The following GUCY1A2 variants were observed in gnomAD, a reference collection of about 807,000 sequenced individuals.
The protein encoded by GUCY1A2 is guanylate cyclase 1 soluble subunit alpha 2.
A neutral mutation model predicts 63.5 loss-of-function variants in GUCY1A2; 27 were observed. That is an observed-to-expected ratio of 0.43 (90% confidence interval 0.31 to 0.59). The LOEUF is 0.59. GUCY1A2 is among the 20% of genes least tolerant of loss of function. The pLI is 0.11. For synonymous variants in GUCY1A2, 364 were observed against 343.5 expected, an observed-to-expected ratio of 1.06 and a Z score of -0.66; for missense variants, 768 against 913.3, an observed-to-expected ratio of 0.84 and a Z score of 2.05.
rs773251118 is a variant in GUCY1A2, at chr11:106,725,152, CTTTTTTTTTTTTTTTTTTTTT to C, written c.1837-16507_1837-16487del. ...ATGTATCTTCTTATTGACATAAATT[CTTTTTTTTTTTTTTTTTTTTT>C]TTTTTTTTTTTTTTTTTGAGACGGA... On this transcript the variant is annotated intron_variant, in intron 6 of 7. Transcript: ENST00000526355. Among the ~76,000 whole-genome samples, 30 of 22,988 alleles carry C rather than the reference CTTTTTTTTTTTTTTTTTTTTT, an allele frequency of 1.3e-3. 4 individuals carry two copies. The highest frequency in any genetic ancestry group is 4.2e-3 in the African/African-American group (24 of 5,700). 15.1% of individuals were successfully genotyped at this position (22,988 alleles called of 152,430 possible). A position where few individuals can be genotyped will look rare whatever the true frequency, so the allele number is the denominator to read the frequency against.
intron 6 of GUCY1A2, among the ~76,000 whole-genome samples, chr11:106,726,702 G>A (rs1276438981): frequency 6.6e-6 from 1 of 152,176 alleles, no homozygotes. Context: ...GGATATTAAA[G>A]ACAAGAGATA....
At chr11:106,898,949 A>G (rs1860088985) in intron 4 of GUCY1A2, among the ~76,000 whole-genome samples, 2 of 152,192 alleles carry the variant, frequency 1.3e-5, no homozygotes, top group Non-Finnish European at 2.9e-5. Context: ...CCTGTTGAAG[A>G]GACAGAAGGT....
intron 6 of GUCY1A2, among the ~76,000 whole-genome samples, chr11:106,747,118 G>T (rs1023844590): frequency 6.6e-6 from 1 of 152,046 alleles, no homozygotes; most frequent in Non-Finnish European, 1.5e-5. Context: ...CTCCCAAATA[G>T]CTCGGACTAC....
At chr11:106,813,736 C>A (rs1858794764) in intron 4 of GUCY1A2, among the ~76,000 whole-genome samples, 1 of 152,050 alleles carries the variant, frequency 6.6e-6, no homozygotes, top group Non-Finnish European at 1.5e-5. Flanking sequence ...GTTCCCTATC[C>A]TTTCAAAGCC....
chr11:106,980,026 A>G (rs1469638215), intron 2 of GUCY1A2, among the ~76,000 whole-genome samples: 2 of 152,206 alleles, frequency 1.3e-5, no homozygotes, highest in African/African-American at 4.8e-5. Context: ...GGGATTACCC[A>G]TCTCATTCCC....
intron 1 of GUCY1A2, among the ~76,000 whole-genome samples, chr11:106,990,025 G>A (rs770202132): frequency 2.0e-5 from 3 of 152,144 alleles, no homozygotes; most frequent in Non-Finnish European, 2.9e-5. Context: ...AAAGAGACGA[G>A]GGTGGGAAAG....
At chr11:106,962,564 A>AAC (rs1555055073) in intron 3 of GUCY1A2, among the ~76,000 whole-genome samples, 5 of 151,584 alleles carry the variant, frequency 3.3e-5, no homozygotes, top group Admixed American at 2.6e-4. Flanking sequence ...CAAAAAAAAA[A>AAC]AAAAACTAGA....
chr11:106,892,396 C>G (rs1314651565), intron 4 of GUCY1A2, among the ~76,000 whole-genome samples: 2 of 151,994 alleles, frequency 1.3e-5, no homozygotes, highest in Non-Finnish European at 2.9e-5. Flanking sequence ...TATAATTGAA[C>G]TTTTGTAATA....
At chr11:106,913,928 AG>A (rs1341309154) in intron 4 of GUCY1A2, among the ~76,000 whole-genome samples, 1 of 150,884 alleles carries the variant, frequency 6.6e-6, no homozygotes, top group Non-Finnish European at 1.5e-5. Flanking sequence ...ACCTGGCTAA[AG>A]ACTGAAAGAG....
chr11:107,013,075 CTT>C (rs1861770689), intron 1 of GUCY1A2, among the ~76,000 whole-genome samples: 2 of 152,070 alleles, frequency 1.3e-5, no homozygotes, highest in African/African-American at 2.4e-5. Flanking sequence ...ATAATTTATG[CTT>C]TTTTGTCACT....
At chr11:106,725,077 A>C (rs1194630963) in intron 6 of GUCY1A2, among the ~76,000 whole-genome samples, 4 of 151,744 alleles carry the variant, frequency 2.6e-5, no homozygotes, top group African/African-American at 9.7e-5. Flanking sequence ...GAATTATTTA[A>C]GAAATCCTTT....
intron 4 of GUCY1A2, among the ~76,000 whole-genome samples, chr11:106,896,621 T>C (rs150342423): frequency 6.6e-6 from 1 of 152,136 alleles, no homozygotes; most frequent in Non-Finnish European, 1.5e-5. Flanking sequence ...AGCATCCTTA[T>C]AAAAGGGCTC....
At chr11:106,826,367 T>C (rs1273325405) in intron 4 of GUCY1A2, 11 of 1,509,316 alleles carry the variant, frequency 7.3e-6, no homozygotes, top group African/African-American at 2.8e-5. Flanking sequence ...TGGAACTTTA[T>C]ATGATTCTTG....
chr11:106,688,678 C>T (rs866555395), intron 7 of GUCY1A2, among the ~76,000 whole-genome samples: 2 of 151,912 alleles, frequency 1.3e-5, no homozygotes. Flanking sequence ...AAGTATAGAA[C>T]GTAATAGGCT....
intron 6 of GUCY1A2, among the ~76,000 whole-genome samples, chr11:106,713,496 C>CTTTTTTTTTTTTTTTTTTTT (rs143909145): frequency 6.4e-5 from 5 of 78,354 alleles, no homozygotes; most frequent in African/African-American, 2.8e-4. Context: ...TAGTATGTTT[C>CTTTTTTTTTTTTTTTTTTTT]TTTTTTTTTT....
intron 3 of GUCY1A2, among the ~76,000 whole-genome samples, chr11:106,949,086 G>A (rs919417172): frequency 2.6e-5 from 4 of 151,990 alleles, no homozygotes; most frequent in Non-Finnish European, 4.4e-5. Context: ...ATAAAATTAC[G>A]ATTGTGTGTG....
At chr11:106,962,289 C>T (rs1054273948) in intron 3 of GUCY1A2, among the ~76,000 whole-genome samples, 5 of 151,914 alleles carry the variant, frequency 3.3e-5, no homozygotes, top group East Asian at 1.9e-4. Flanking sequence ...TGGTGGCTCA[C>T]GCCTGTAATC....
intron 6 of GUCY1A2, among the ~76,000 whole-genome samples, chr11:106,740,784 C>G (rs1863682085): frequency 6.6e-6 from 1 of 152,038 alleles, no homozygotes; most frequent in African/African-American, 2.4e-5. Context: ...AGTGATTCTC[C>G]TACCTCAGCC....
intron 3 of GUCY1A2, among the ~76,000 whole-genome samples, chr11:106,971,637 G>T (rs1861196004): frequency 6.6e-6 from 1 of 152,094 alleles, no homozygotes; most frequent in South Asian, 2.1e-4. Context: ...GGAGACATCA[G>T]TATTAACTCA....
Sources: allele counts gnomAD v4.1 joint callset (sites outside exome capture counted in the v4.1 genomes callset), GRCh38; gene constraint gnomAD v4.1.1; transcripts MANE v1.5; gene names NCBI Gene and HGNC (gene_info 2026-07-23, HGNC 2026-07-21).